Variants in GABRA3 observed in about 807,000 individuals in gnomAD.
The protein encoded by GABRA3 is gamma-aminobutyric acid receptor subunit alpha-3.
GABRA3 carries 10 observed loss-of-function variants against 30.1 expected under a neutral mutation model. The ratio of observed to expected loss-of-function variants is 0.33; its 90% CI spans 0.20 to 0.56. The LOEUF (loss-of-function observed/expected upper bound fraction) is 0.56, where lower values mean the gene tolerates loss of function less well. Ranked by LOEUF, GABRA3 falls within the 20% of genes least tolerant of loss-of-function variation. The pLI, the probability that GABRA3 is intolerant of heterozygous loss-of-function variation, is 0.89. For missense variants in GABRA3, 233 were observed against 392.0 expected, an observed-to-expected ratio of 0.59 and a Z score of 3.42; for synonymous variants, 151 against 146.8, an observed-to-expected ratio of 1.03 and a Z score of -0.21.
At chrX:152,353,075 AAAG>A (rs1482143393) in intron 2 of GABRA3, among the ~76,000 whole-genome samples, 10 of 111,146 alleles carry the variant, frequency 9.0e-5, no homozygotes, top group South Asian at 7.6e-4. Context: ...AGAAAAAAAA[AAAG>A]AAGAAGAACT....
chrX:152,292,296 A>G lies in GABRA3; in HGVS notation c.263-7561T>C, dbSNP rs1241251657. 2.7e-5 allele frequency among the ~76,000 whole-genome samples: 3 copies of G among 111,174 alleles called. No homozygotes were observed. In the East Asian group the frequency reaches 8.5e-4, roughly 31 times the overall value. On this transcript the variant is annotated intron_variant, in intron 3 of 9. Transcript: ENST00000370314. ...TCATTTCTTTTAGATTTTCTAGTTT[A>G]TTTGCATAGAGGTGTTTATTGTATT...
At chrX:152,251,824 GAC>G (rs1450858735) in intron 5 of GABRA3, among the ~76,000 whole-genome samples, 1 of 110,208 alleles carries the variant, frequency 9.1e-6, no homozygotes, top group Non-Finnish European at 1.9e-5. Context: ...CTTGATATAT[GAC>G]ACTCATTCAT....
intron 4 of GABRA3, among the ~76,000 whole-genome samples, chrX:152,265,895 G>A (rs1429140463): frequency 1.8e-5 from 2 of 111,043 alleles, no homozygotes; most frequent in African/African-American, 6.5e-5. Context: ...AAGAAATTGA[G>A]AAATTCTAAG....
intron 5 of GABRA3, among the ~76,000 whole-genome samples, chrX:152,244,358 T>C (rs1443942707): frequency 8.9e-6 from 1 of 112,230 alleles, no homozygotes; most frequent in East Asian, 2.8e-4. Flanking sequence ...TATTAAGTGA[T>C]AGGGCATTAG....
At chrX:152,279,143 T>A (rs1713221212) in intron 4 of GABRA3, among the ~76,000 whole-genome samples, 1 of 112,164 alleles carries the variant, frequency 8.9e-6, no homozygotes, top group African/African-American at 3.2e-5. Context: ...TTTTGGCTTT[T>A]GTTGCCATTG....
At chrX:152,206,003 T>C (rs1206027054) in intron 7 of GABRA3, among the ~76,000 whole-genome samples, 1 of 112,944 alleles carries the variant, frequency 8.9e-6, no homozygotes, top group Non-Finnish European at 1.9e-5. Flanking sequence ...GTATCTTCTG[T>C]GTGCTAAAGA....
chrX:152,222,213 T>A (rs1937855010), intron 6 of GABRA3, among the ~76,000 whole-genome samples: 1 of 109,596 alleles, frequency 9.1e-6, no homozygotes, highest in Non-Finnish European at 1.9e-5. Flanking sequence ...ATAGGATGAT[T>A]TATATTCCCT....
intron 9 of GABRA3, among the ~76,000 whole-genome samples, chrX:152,184,132 G>C (rs990533814): frequency 9.0e-5 from 10 of 110,553 alleles, no homozygotes; most frequent in African/African-American, 3.3e-4. Flanking sequence ...ATAGCATCCT[G>C]TTCTTATTTT....
At chrX:152,235,175 T>A (rs1244530706) in intron 5 of GABRA3, among the ~76,000 whole-genome samples, 1 of 111,763 alleles carries the variant, frequency 8.9e-6, no homozygotes, top group Non-Finnish European at 1.9e-5. Flanking sequence ...GTTGTTGAGA[T>A]CTTTCACCTC....
At chrX:152,225,900 G>A (rs776148521) in intron 5 of GABRA3, among the ~76,000 whole-genome samples, 5 of 110,084 alleles carry the variant, frequency 4.5e-5, no homozygotes, top group South Asian at 3.8e-4. Context: ...CAATTATAGC[G>A]TCACCCATTC....
At position 152,398,691 on chromosome X, in the gene GABRA3, AACAT is replaced by A. The variant is rs773052710; in HGVS notation, c.-26-34099_-26-34096del. On this transcript the variant is annotated intron_variant, in intron 1 of 9. Coordinates refer to ENST00000370314, the MANE Select transcript of GABRA3 (RefSeq NM_000808.4). The stretch of plus-strand genomic sequence containing the variant: ...TACTTAGACAAACATTAAATTCTAT[AACAT>A]ACATAATGTCAACATAGGAAAATAC... 4.3e-3 allele frequency among the ~76,000 whole-genome samples: 486 copies of A among 112,506 alleles called. 2 individuals carry two copies. Among genetic ancestry groups the A allele is most frequent in the African/African-American group, 0.015 (472 of 30,995 alleles).
intron 4 of GABRA3, among the ~76,000 whole-genome samples, chrX:152,275,759 A>AAAAT (rs937224259): frequency 7.4e-5 from 8 of 108,711 alleles, no homozygotes; most frequent in African/African-American, 2.3e-4. Flanking sequence ...ATTCCATCTC[A>AAAAT]AAATAAATAA....
chrX:152,299,668 T>A (rs1183153600), intron 3 of GABRA3, among the ~76,000 whole-genome samples: 2 of 111,618 alleles, frequency 1.8e-5, no homozygotes, highest in Non-Finnish European at 3.8e-5. Context: ...GTTTCTGGCA[T>A]GATGGATTAA....
At chrX:152,308,519 GC>G (rs1364613768) in intron 3 of GABRA3, among the ~76,000 whole-genome samples, 1 of 112,162 alleles carries the variant, frequency 8.9e-6, no homozygotes, top group Non-Finnish European at 1.9e-5. Context: ...AGAGCACACA[GC>G]CCAGGAATGC....
chrX:152,374,057 A>G (rs889666383), intron 1 of GABRA3, among the ~76,000 whole-genome samples: 12 of 111,305 alleles, frequency 1.1e-4, no homozygotes, highest in Non-Finnish European at 2.3e-4. Context: ...TCTAATGATC[A>G]ATGATGTTGA....
intron 1 of GABRA3, among the ~76,000 whole-genome samples, chrX:152,428,055 C>T (rs1466730154): frequency 2.7e-5 from 3 of 112,251 alleles, no homozygotes; most frequent in Non-Finnish European, 5.6e-5. Context: ...TGTACTTGCC[C>T]CTGCAATGTA....
chrX:152,435,283 G>A (rs1191125610), intron 1 of GABRA3, among the ~76,000 whole-genome samples: 1 of 110,910 alleles, frequency 9.0e-6, no homozygotes, highest in African/African-American at 3.3e-5. Flanking sequence ...CTACTATAAA[G>A]GTGCATGCAC....
At chrX:152,381,922 C>T (rs937957317) in intron 1 of GABRA3, among the ~76,000 whole-genome samples, 14 of 111,397 alleles carry the variant, frequency 1.3e-4, no homozygotes, top group South Asian at 3.8e-4. Context: ...GGTGCCTATG[C>T]GCCACATTTT....
chrX:152,338,839 G>A (rs1940272169), intron 3 of GABRA3, among the ~76,000 whole-genome samples: 1 of 111,675 alleles, frequency 9.0e-6, no homozygotes, highest in African/African-American at 3.3e-5. Context: ...TAAATTGGCT[G>A]TAAACATGTG....
Sources: gnomAD v4.1 joint callset for allele counts (sites outside exome capture counted in the v4.1 genomes callset) on GRCh38, gnomAD v4.1.1 for gene constraint, MANE v1.5 for transcripts, NCBI Gene and HGNC (gene_info 2026-07-23, HGNC 2026-07-21) for gene names.